PRKCA: variants seen among roughly 807,000 people sequenced by gnomAD.
PRKCA encodes protein kinase C alpha type.
PRKCA carries 27 observed loss-of-function variants against 87.0 expected under a neutral mutation model. The ratio of observed to expected loss-of-function variants is 0.31; its 90% CI spans 0.23 to 0.43. The LOEUF is 0.43. Ranked by LOEUF, PRKCA falls within the 20% of genes least tolerant of loss-of-function variation. PRKCA has a pLI of 1.00. For synonymous variants in PRKCA, 329 were observed against 311.1 expected (o/e 1.06, Z -0.61); for missense variants, 518 against 852.3 (o/e 0.61, Z 4.88).
intron 13 of PRKCA, among the ~76,000 whole-genome samples, chr17:66,754,572 A>T (rs143563827): frequency 6.6e-6 from 1 of 152,182 alleles, no homozygotes; most frequent in Non-Finnish European, 1.5e-5. Flanking sequence ...TTTATAGTCA[A>T]TATTACATTC....
chr17:66,539,358 T>C (rs983756464), intron 3 of PRKCA, among the ~76,000 whole-genome samples: 1 of 152,188 alleles, frequency 6.6e-6, no homozygotes, highest in African/African-American at 2.4e-5. Flanking sequence ...CGTTTCCCTT[T>C]TGCAAGGCTA....
chr17:66,720,284 C>T lies in PRKCA; in HGVS notation c.919-12404C>T, dbSNP rs369474207. Among the ~76,000 whole-genome samples the T allele has an allele frequency of 3.5e-4, 53 of 152,328 alleles. No homozygotes were observed. In the South Asian group the frequency reaches 9.1e-3, roughly 26 times the overall value. Reference sequence around the variant, plus strand: ...AACTGCAAAGGCCCTCAGGCGGCAGCGTGCTTGGCGTGTCCCAGCAGATGA... The same window carrying T: ...AACTGCAAAGGCCCTCAGGCGGCAGTGTGCTTGGCGTGTCCCAGCAGATGA... On this transcript the variant is annotated intron_variant, in intron 8 of 16. Transcript: ENST00000413366.
At chr17:66,632,882 A>G (rs1971059076) in intron 3 of PRKCA, among the ~76,000 whole-genome samples, 2 of 152,218 alleles carry the variant, frequency 1.3e-5, no homozygotes, top group South Asian at 2.1e-4. Context: ...TGATTACAGC[A>G]TCTTGCATAG....
At chr17:66,496,079 T>G in intron 2 of PRKCA, 122 bp from the exon 3 acceptor site, 3 of 736,744 alleles carry the variant, frequency 4.1e-6, no homozygotes, top group South Asian at 1.8e-5. Context: ...GATTGCTGTT[T>G]ATAAGATTCT....
intron 5 of PRKCA, among the ~76,000 whole-genome samples, chr17:66,666,837 C>T (rs941502705): frequency 6.6e-6 from 1 of 151,934 alleles, no homozygotes; most frequent in Non-Finnish European, 1.5e-5. Context: ...ATCCCCCCCC[C>T]ACACACAAAT....
chr17:66,399,726 G>A (rs929579536), intron 2 of PRKCA, among the ~76,000 whole-genome samples: 4 of 152,010 alleles, frequency 2.6e-5, no homozygotes, highest in South Asian at 2.1e-4. Context: ...TTTGTGATTC[G>A]CTTGTTTCAC....
At position 66,777,613 on chromosome 17, in the gene PRKCA, C is replaced by T. The variant is rs1267968070; in HGVS notation, c.1605+3546C>T. ...AAAATTCGGCTCTGAATTACAGGCC[C>T]CCTAAGAGTCCTGCTTTTCATGAAG... On this transcript the variant is annotated intron_variant, in intron 14 of 16. Coordinates refer to ENST00000413366, the MANE Select transcript of PRKCA (RefSeq NM_002737.3). The T allele has an allele frequency of 4.1e-6, 4 of 985,320 alleles. No individual in the cohort carries two copies. In the East Asian group the frequency reaches 3.4e-4, roughly 84 times the overall value. 61.0% of individuals were successfully genotyped at this position (985,320 alleles called of 1,614,324 possible).
rs141810960 is a variant in PRKCA, at chr17:66,483,451, T to TTTTTATTTTATTTTATTTTATTTTA, written c.206-12745_206-12721dup. 7.9e-3 allele frequency among the ~76,000 whole-genome samples: 1,173 copies of TTTTTATTTTATTTTATTTTATTTTA among 148,144 alleles called. 17 individuals carry two copies. Among genetic ancestry groups the TTTTTATTTTATTTTATTTTATTTTA allele is most frequent in the East Asian group, 0.021 (106 of 4,934 alleles). On this transcript the variant is annotated intron_variant, in intron 2 of 16. Coordinates refer to ENST00000413366, the MANE Select transcript of PRKCA (RefSeq NM_002737.3). ...ATGTCCAAATTTCCCCTTGCCTTTA[T>TTTTTATTTTATTTTATTTTATTTTA]TTTTATTTTATTTTATTTTATTTTA...
intron 13 of PRKCA, among the ~76,000 whole-genome samples, chr17:66,745,584 G>C (rs111815663): frequency 0.22 from 33,423 of 152,118 alleles, 4,236 homozygotes; most frequent in Middle Eastern, 0.33. Flanking sequence ...AGGATGCTGA[G>C]GCAGGAGAAT....
intron 13 of PRKCA, among the ~76,000 whole-genome samples, chr17:66,756,562 AAAAG>A (rs1974552844): frequency 6.6e-6 from 1 of 152,144 alleles, no homozygotes; most frequent in South Asian, 2.1e-4. Context: ...TGGCAAAAAA[AAAAG>A]AAAGCAATTT....
intron 2 of PRKCA, chr17:66,415,618 A>C (rs1434054888): frequency 1.3e-5 from 2 of 152,226 alleles, no homozygotes; most frequent in Non-Finnish European, 2.9e-5. Flanking sequence ...AGATATCCTT[A>C]AATCGATGTT....
rs570380800 is a variant in PRKCA at position 66,329,659 on chromosome 17, A to G, written c.205+23532A>G. On this transcript the variant is annotated intron_variant, in intron 2 of 16. Coordinates refer to ENST00000413366, the MANE Select transcript of PRKCA (RefSeq NM_002737.3). ...GCCAAGAGAAGAGAGAATTTTAAGC[A>G]GGAGGTCCCTACTGCCATAGGTAGG... Among the ~76,000 whole-genome samples the G allele has an allele frequency of 2.0e-5, 3 of 152,308 alleles. No homozygotes were observed. In the South Asian group the frequency reaches 6.2e-4, roughly 32 times the overall value.
chr17:66,609,063 GC>G (rs539762081), intron 3 of PRKCA, among the ~76,000 whole-genome samples: 1 of 152,120 alleles, frequency 6.6e-6, no homozygotes, highest in Non-Finnish European at 1.5e-5. Flanking sequence ...TGCCCCATAG[GC>G]CTAAGCCCTT....
intron 8 of PRKCA, among the ~76,000 whole-genome samples, chr17:66,727,250 G>C (rs1002399705): frequency 1.3e-5 from 2 of 152,206 alleles, no homozygotes; most frequent in South Asian, 4.1e-4. Context: ...ACTTGAGAAA[G>C]GGAAAGGCAG....
At chr17:66,668,360 G>A (rs1972093514) in intron 5 of PRKCA, among the ~76,000 whole-genome samples, 1 of 152,350 alleles carries the variant, frequency 6.6e-6, no homozygotes, top group South Asian at 2.1e-4. Flanking sequence ...GTGGAGGTGA[G>A]AAGAACTTCA....
chr17:66,307,986 A>G (rs772281955), intron 2 of PRKCA, among the ~76,000 whole-genome samples: 42 of 152,194 alleles, frequency 2.8e-4, no homozygotes, highest in Non-Finnish European at 5.1e-4. Context: ...TCAGCAGTAG[A>G]TGGTGGATAT....
chr17:66,657,092 T>C (rs942268108), intron 5 of PRKCA, among the ~76,000 whole-genome samples: 4 of 152,140 alleles, frequency 2.6e-5, no homozygotes, highest in African/African-American at 9.7e-5. Context: ...CCTGAGAAAA[T>C]ATGAGATAAG....
chr17:66,648,407 T>C (rs916370610), intron 5 of PRKCA, among the ~76,000 whole-genome samples: 2 of 152,226 alleles, frequency 1.3e-5, no homozygotes, highest in African/African-American at 2.4e-5. Context: ...TGTGAAGAAG[T>C]TGACTTTATT....
At chr17:66,347,373 AAAGG>A (rs1384867465) in intron 2 of PRKCA, among the ~76,000 whole-genome samples, 1 of 151,276 alleles carries the variant, frequency 6.6e-6, no homozygotes, top group Non-Finnish European at 1.5e-5. Context: ...GTAATTGAAA[AAAGG>A]AGGGAATATT....
Sources: allele counts gnomAD v4.1 joint callset (sites outside exome capture counted in the v4.1 genomes callset), GRCh38; gene constraint gnomAD v4.1.1; transcripts MANE v1.5; gene names NCBI Gene and HGNC (gene_info 2026-07-23, HGNC 2026-07-21).